Variants in TBC1D14 observed in about 807,000 individuals in gnomAD.
The protein encoded by TBC1D14 is TBC1 domain family member 14, also known as TBC1 domain family, member 14.
In TBC1D14, 26 loss-of-function variants were observed where a neutral mutation model predicts 79.0. The ratio of observed to expected loss-of-function variants is 0.33; its 90% CI spans 0.24 to 0.46. The LOEUF (loss-of-function observed/expected upper bound fraction) is 0.46, where lower values mean the gene tolerates loss of function less well. Ranked by LOEUF, TBC1D14 falls within the 20% of genes least tolerant of loss-of-function variation. The pLI, the probability that TBC1D14 is intolerant of heterozygous loss-of-function variation, is 1.00. For synonymous variants in TBC1D14, 394 were observed against 349.9 expected (o/e 1.13, Z -1.40); for missense variants, 769 against 887.6 (o/e 0.87, Z 1.70).
rs150814299 is a variant in TBC1D14, at chr4:7,023,431, G to C, written c.1758-1573G>C. Among the ~76,000 whole-genome samples, 3 of 152,312 alleles carry C rather than the reference G, an allele frequency of 2.0e-5. No homozygotes were observed. In the East Asian group the frequency reaches 5.8e-4, roughly 29 times the overall value. On this transcript the variant is annotated intron_variant, in intron 12 of 13. Coordinates refer to ENST00000409757, the MANE Select transcript of TBC1D14 (RefSeq NM_020773.3). ...CTGCCCTTTCTCATAGTGTTAACAA[G>C]CATGCTCTCCAGGTACAATTGAGAA... is the stretch of plus-strand genomic sequence containing the variant.
At position 6,999,167 on chromosome 4, in the gene TBC1D14, C is replaced by T. The variant is rs957625092; in HGVS notation, c.1128C>T (p.Thr376=). 6 of 1,614,112 alleles carry T rather than the reference C, an allele frequency of 3.7e-6. No individual in the cohort carries two copies. The highest frequency in any genetic ancestry group is 3.4e-6 in the Non-Finnish European group (4 of 1,179,986). ...AAAGCATTGGAAACGCTGTGCTCAC[C>T]TGGAATAATGAGATCTTACCTAACT... ...VEESIGNAVL[T]WNNEILPNWE... Residue 376 remains threonine, a synonymous_variant, in exon 6 of 14, where the codon ACC becomes ACT. Transcript: ENST00000409757.
intron 12 of TBC1D14, among the ~76,000 whole-genome samples, chr4:7,022,070 G>A (rs1721889355): frequency 6.6e-6 from 1 of 152,274 alleles, no homozygotes; most frequent in African/African-American, 2.4e-5. Flanking sequence ...ACATTTGGAA[G>A]CTCCTGATAA....
At chr4:7,019,845 G>A (rs2109296584) in intron 12 of TBC1D14, among the ~76,000 whole-genome samples, 1 of 65,106 alleles carries the variant, frequency 1.5e-5, no homozygotes, top group Non-Finnish European at 2.7e-5. Flanking sequence ...ACAGAGGTGG[G>A]TATGTGAACC....
chr4:7,025,661 G>A (rs1327511254), intron 13 of TBC1D14, among the ~76,000 whole-genome samples: 1 of 152,274 alleles, frequency 6.6e-6, no homozygotes, highest in Non-Finnish European at 1.5e-5. Flanking sequence ...CATGCCCTGT[G>A]GCAGGCTTTT....
rs1303083188 is a variant in TBC1D14, at chr4:7,030,502, T to A, written c.*110T>A. The A allele has an allele frequency of 8.9e-7, 1 of 1,122,060 alleles. No individual in the cohort carries two copies. Among genetic ancestry groups the A allele is most frequent in the African/African-American group, 1.5e-5 (1 of 64,802 alleles). 69.5% of individuals were successfully genotyped at this position (1,122,060 alleles called of 1,614,324 possible). A position where few individuals can be genotyped will look rare whatever the true frequency, so the allele number is the denominator to read the frequency against. On this transcript the variant is annotated 3_prime_UTR_variant, in exon 14 of 14. Coordinates refer to ENST00000409757, the MANE Select transcript of TBC1D14 (RefSeq NM_020773.3). ...CGAGAAGAACAGACGCTCTTTAAGT[T>A]TGATTCCTAACACTGGAGTTGGCCT...
At chr4:6,993,746 A>G (rs982817812) in intron 3 of TBC1D14, among the ~76,000 whole-genome samples, 1 of 152,170 alleles carries the variant, frequency 6.6e-6, no homozygotes, top group Non-Finnish European at 1.5e-5. Context: ...ACAGTGGCTC[A>G]CGCCTGTAAT....
intron 3 of TBC1D14, among the ~76,000 whole-genome samples, chr4:6,988,939 C>T (rs145267407): frequency 5.1e-5 from 6 of 117,284 alleles, no homozygotes; most frequent in African/African-American, 2.0e-4. Context: ...TGCCCTGGTG[C>T]GGTTATGGCT....
rs764833576 is a variant in TBC1D14, at chr4:6,915,745, G to A, written c.-18+5794G>A. On this transcript the variant is annotated intron_variant, in intron 1 of 13. Coordinates refer to ENST00000409757, the MANE Select transcript of TBC1D14 (RefSeq NM_020773.3). The stretch of plus-strand genomic sequence containing the variant: ...GTGCTGCAGGCTGGTCTGCCCTCTG[G>A]AAATGTTGGCTCTGGGATCTGTATA... Among the ~76,000 whole-genome samples the A allele has an allele frequency of 1.8e-4, 27 of 152,074 alleles. 1 individual carries two copies. Among genetic ancestry groups the A allele is most frequent in the Admixed American group, 6.6e-5 (1 of 15,246 alleles).
intron 13 of TBC1D14, among the ~76,000 whole-genome samples, chr4:7,026,937 G>T (rs961073554): frequency 2.1e-4 from 32 of 152,126 alleles, no homozygotes; most frequent in African/African-American, 7.7e-4. Context: ...GGTTGGCCAG[G>T]TGCAGTGGCT....
chr4:6,952,263 C>T (rs1420350993), intron 2 of TBC1D14, among the ~76,000 whole-genome samples: 3 of 152,218 alleles, frequency 2.0e-5, no homozygotes, highest in Non-Finnish European at 4.4e-5. Flanking sequence ...GTTTATGGTT[C>T]CATAGGTCTG....
rs771792107 is a variant in TBC1D14 at position 6,996,340 on chromosome 4, A to G, written c.978A>G (p.Lys326=). 1.2e-6 allele frequency: 2 copies of G among 1,613,756 alleles called. No homozygotes were observed. The highest frequency in any genetic ancestry group is 3.3e-5 in the Admixed American group (2 of 59,978). Residue 326 remains lysine (K), a synonymous_variant, in exon 5 of 14, where the codon AAA becomes AAG. Transcript: ENST00000409757. ...LEDRPANLPA[K]PAEEAQKHRQ... ...TCCTGTCAAGAAATCTCCCAGCAAAACCAGCTGAAGAAGCTCAGAAGCACA... is the reference window on the plus strand; with the variant it reads ...TCCTGTCAAGAAATCTCCCAGCAAAGCCAGCTGAAGAAGCTCAGAAGCACA...
intron 9 of TBC1D14, chr4:7,007,720 G>C: frequency 1.4e-6 from 1 of 738,186 alleles, no homozygotes; most frequent in South Asian, 1.6e-5. Context: ...CCACAGGGCA[G>C]ATTTCAGCTT....
intron 2 of TBC1D14, among the ~76,000 whole-genome samples, chr4:6,926,674 G>T (rs1456939888): frequency 6.6e-6 from 1 of 152,232 alleles, no homozygotes; most frequent in African/African-American, 2.4e-5. Flanking sequence ...GAGTTTCCAT[G>T]TAGAGTTCCT....
In TBC1D14 at chr4:7,030,470, G is replaced by C; in HGVS notation, c.*78G>C. On this transcript the variant is annotated 3_prime_UTR_variant, in exon 14 of 14. Coordinates refer to ENST00000409757, the MANE Select transcript of TBC1D14 (RefSeq NM_020773.3). ...CCTCTGTTGTTTCAGACTGACACCC[G>C]GGCAGCCGAGAAGAACAGACGCTCT... 1 of 1,465,154 alleles carries C rather than the reference G, an allele frequency of 6.8e-7. No individual in the cohort carries two copies. Among genetic ancestry groups the C allele is most frequent in the East Asian group, 2.3e-5 (1 of 43,174 alleles). 90.8% of individuals were successfully genotyped at this position (1,465,154 alleles called of 1,614,324 possible).
intron 12 of TBC1D14, among the ~76,000 whole-genome samples, chr4:7,021,334 A>G (rs1003976009): frequency 2.0e-5 from 3 of 152,202 alleles, no homozygotes; most frequent in Non-Finnish European, 4.4e-5. Context: ...GTGGTGTCTC[A>G]TGTCTATAGT....
At chr4:6,985,952 TAC>T (rs1317100684) in intron 3 of TBC1D14, among the ~76,000 whole-genome samples, 3 of 152,370 alleles carry the variant, frequency 2.0e-5, no homozygotes, top group African/African-American at 7.2e-5. Flanking sequence ...AATAAATGTA[TAC>T]AGTTATGCAA....
intron 2 of TBC1D14, among the ~76,000 whole-genome samples, chr4:6,954,758 G>A (rs1412219028): frequency 1.3e-5 from 2 of 152,192 alleles, no homozygotes; most frequent in African/African-American, 2.4e-5. Context: ...GTGCCACGAC[G>A]CCTGGCTAAT....
chr4:6,924,656 A>G (rs965204798), intron 2 of TBC1D14, among the ~76,000 whole-genome samples: 7 of 152,068 alleles, frequency 4.6e-5, no homozygotes, highest in Admixed American at 4.6e-4. Flanking sequence ...TGCATTCCCA[A>G]CGTGCTGGGC....
chr4:7,022,353 C>T (rs1321902981), intron 12 of TBC1D14, among the ~76,000 whole-genome samples: 1 of 152,144 alleles, frequency 6.6e-6, no homozygotes, highest in Admixed American at 6.5e-5. Flanking sequence ...GGATGGTATG[C>T]GAGGCAGAGG....
Sources: gnomAD v4.1 joint callset for allele counts (sites outside exome capture counted in the v4.1 genomes callset) on GRCh38, gnomAD v4.1.1 for gene constraint, MANE v1.5 for transcripts, NCBI Gene and HGNC (gene_info 2026-07-23, HGNC 2026-07-21) for gene names.